MYO3A: variants seen among roughly 807,000 people sequenced by gnomAD.
MYO3A encodes myosin-IIIa.
In MYO3A, 180 loss-of-function variants were observed where a neutral mutation model predicts 192.7. That is an observed-to-expected ratio of 0.93 (90% confidence interval 0.83 to 1.06). The LOEUF is 1.06. MYO3A is among the 50% of genes least tolerant of loss of function. The pLI, the probability that MYO3A is intolerant of heterozygous loss-of-function variation, is 0.00. For synonymous variants in MYO3A, 628 were observed against 645.3 expected, an observed-to-expected ratio of 0.97 and a Z score of 0.41; for missense variants, 1,896 against 1,905.0, an observed-to-expected ratio of 1.00 and a Z score of 0.09.
chr10:26,070,260 T>A, intron 13 of MYO3A, 45 bp downstream of exon 13: 1 of 1,568,062 alleles, frequency 6.4e-7, no homozygotes, highest in Non-Finnish European at 8.7e-7. Context: ...CTTAGTTACT[T>A]AAATGTCACT....
At chr10:26,114,819 A>G (rs1407840050) in intron 17 of MYO3A, among the ~76,000 whole-genome samples, 1 of 152,180 alleles carries the variant, frequency 6.6e-6, no homozygotes, top group East Asian at 1.9e-4. Flanking sequence ...TTATAATCTG[A>G]TAGAAGAAAT....
In MYO3A at chr10:26,193,394, G is replaced by A; in HGVS notation, c.4545+83G>A. 3.5e-6 allele frequency: 4 copies of A among 1,155,650 alleles called. No homozygotes were observed. The South Asian group carries it at 3.8e-5, about 11-fold the overall frequency. 71.6% of individuals were successfully genotyped at this position (1,155,650 alleles called of 1,614,324 possible). On this transcript the variant is annotated intron_variant, in intron 32 of 34. Coordinates refer to ENST00000642920, the MANE Select transcript of MYO3A (RefSeq NM_017433.5). ...TGAAAACTGTGGCTAGATTAGTTCA[G>A]GCACAAAGGAAGGCCTGGCAGGACA...
At chr10:25,955,046 A>T (rs200730692) in intron 4 of MYO3A, 38 bp downstream of exon 4, 1 of 1,607,690 alleles carries the variant, frequency 6.2e-7, no homozygotes, top group Admixed American at 1.7e-5. Context: ...GTGGAAACTT[A>T]GAGTGTGGTT....
At chr10:26,049,650 A>ATTCTTTCT (rs751350009) in intron 10 of MYO3A, among the ~76,000 whole-genome samples, 41 of 116,338 alleles carry the variant, frequency 3.5e-4, no homozygotes, top group African/African-American at 6.5e-4. Context: ...CAAAGATGAA[A>ATTCTTTCT]TTCTTTCTTT....
intron 4 of MYO3A, among the ~76,000 whole-genome samples, chr10:25,972,645 C>T (rs997754252): frequency 1.3e-5 from 2 of 152,136 alleles, no homozygotes; most frequent in African/African-American, 4.8e-5. Flanking sequence ...TTAGTAAAAT[C>T]TATTTTCCCC....
rs1843659356 is a variant in MYO3A, at chr10:26,201,251, C to T, written c.4546-14C>T. 1 of 1,496,100 alleles carries T rather than the reference C, an allele frequency of 6.7e-7. No individual in the cohort carries two copies. The highest frequency in any genetic ancestry group is 1.2e-5 in the South Asian group (1 of 82,174). The allele number at this position is 1,496,100 out of a possible 1,614,324, so 92.7% of individuals were successfully genotyped here. A position where few individuals can be genotyped will look rare whatever the true frequency, so the allele number is the denominator to read the frequency against. Reference sequence around the variant, plus strand: ...TAATATTATATAGATCTTTTGAATTCTTCTTTCCTTTAGAAGTCAATCCAA... The same window carrying T: ...TAATATTATATAGATCTTTTGAATTTTTCTTTCCTTTAGAAGTCAATCCAA... On this transcript the variant is annotated splice_polypyrimidine_tract_variant and intron_variant, in intron 32 of 34. Coordinates refer to ENST00000642920, the MANE Select transcript of MYO3A (RefSeq NM_017433.5).
At chr10:26,198,225 T>C (rs1481128399) in intron 32 of MYO3A, among the ~76,000 whole-genome samples, 1 of 152,194 alleles carries the variant, frequency 6.6e-6, no homozygotes, top group East Asian at 1.9e-4. Flanking sequence ...GCCTCTTTCC[T>C]ATGACTTGAT....
At chr10:26,086,984 G>GTATA (rs3057676) in intron 14 of MYO3A, among the ~76,000 whole-genome samples, 19 of 151,606 alleles carry the variant, frequency 1.3e-4, no homozygotes, top group Non-Finnish European at 2.8e-4. Context: ...TTGGGGATAG[G>GTATA]TATATATATA....
chr10:26,113,682 G>A (rs1000536515), intron 17 of MYO3A, among the ~76,000 whole-genome samples: 22 of 152,094 alleles, frequency 1.4e-4, no homozygotes, highest in Non-Finnish European at 2.8e-4. Flanking sequence ...CAGCCAAGGA[G>A]GTAGTTGGTA....
chr10:26,157,640 A>G, intron 26 of MYO3A, 125 bp downstream of exon 26: 12 of 1,014,146 alleles, frequency 1.2e-5, no homozygotes, highest in Admixed American at 1.1e-4. Context: ...GTTCATGCAA[A>G]TGATTATGTG....
At chr10:26,193,851 G>A (rs542230900) in intron 32 of MYO3A, among the ~76,000 whole-genome samples, 1 of 152,228 alleles carries the variant, frequency 6.6e-6, no homozygotes, top group South Asian at 2.1e-4. Flanking sequence ...TAGCTGCCAG[G>A]CCATTCATTT....
chr10:26,101,033 G>A lies in MYO3A; in HGVS notation c.1776+4351G>A, dbSNP rs940291245. Among the ~76,000 whole-genome samples the A allele has an allele frequency of 2.3e-4, 35 of 152,128 alleles. 1 individual carries two copies. Among genetic ancestry groups the A allele is most frequent in the African/African-American group, 8.0e-4 (33 of 41,426 alleles). On this transcript the variant is annotated intron_variant, in intron 17 of 34. Coordinates refer to ENST00000642920, the MANE Select transcript of MYO3A (RefSeq NM_017433.5). Reference sequence around the variant, plus strand: ...CCATTATTAATGTGTGGGAGTCTACGTCTCTTTGTAGGTCTCTAAAGACTT... The same window carrying A: ...CCATTATTAATGTGTGGGAGTCTACATCTCTTTGTAGGTCTCTAAAGACTT...
At chr10:26,141,835 G>A (rs1398345999) in intron 20 of MYO3A, among the ~76,000 whole-genome samples, 1 of 152,064 alleles carries the variant, frequency 6.6e-6, no homozygotes, top group Non-Finnish European at 1.5e-5. Flanking sequence ...TTATGCATTA[G>A]ATTTCATTTT....
intron 4 of MYO3A, among the ~76,000 whole-genome samples, chr10:25,980,317 C>T (rs1305266102): frequency 6.6e-6 from 1 of 151,046 alleles, no homozygotes; most frequent in Non-Finnish European, 1.5e-5. Context: ...ACAATAAGAA[C>T]AACAAAAAAC....
chr10:26,110,246 ACTGCAG>A (rs1838079591), intron 17 of MYO3A, among the ~76,000 whole-genome samples: 1 of 152,018 alleles, frequency 6.6e-6, no homozygotes, highest in African/African-American at 2.4e-5. Flanking sequence ...TATCTACTAC[ACTGCAG>A]CTGTAATTTG....
At chr10:26,119,329 C>T (rs1306656323) in intron 17 of MYO3A, among the ~76,000 whole-genome samples, 1 of 152,142 alleles carries the variant, frequency 6.6e-6, no homozygotes, top group South Asian at 2.1e-4. Context: ...TGCCTCCCCA[C>T]GGCCTGAACA....
Position 26,125,435 on chromosome 10 carries a change from A to G in MYO3A, c.1941A>G (p.Gln647=), listed in dbSNP as rs778345128. ...SLLCIRADEL[Q]EALTSHCVVT... is the part of the protein sequence containing the mutation. Reference sequence around the variant, plus strand: ...TTTGCATTCGGGCAGATGAGCTACAAGAAGCTCTCACCTCCCACTGTGTGG... The same window carrying G: ...TTTGCATTCGGGCAGATGAGCTACAGGAAGCTCTCACCTCCCACTGTGTGG... Residue 647 remains glutamine (Q), a synonymous_variant, in exon 19 of 35, where the codon CAA becomes CAG. Coordinates refer to ENST00000642920, the MANE Select transcript of MYO3A (RefSeq NM_017433.5). 2.1e-4 allele frequency: 333 copies of G among 1,614,080 alleles called. 1 individual carries two copies. Among genetic ancestry groups the G allele is most frequent in the Admixed American group, 6.8e-4 (41 of 60,012 alleles).
chr10:26,086,850 G>C (rs887011694), intron 14 of MYO3A, among the ~76,000 whole-genome samples: 1 of 152,184 alleles, frequency 6.6e-6, no homozygotes, highest in African/African-American at 2.4e-5. Flanking sequence ...TTGCTATTCT[G>C]TCCTGATCTG....
At chr10:26,041,698 A>G (rs6482528) in intron 10 of MYO3A, among the ~76,000 whole-genome samples, 71,964 of 151,790 alleles carry the variant, frequency 0.47, 17,887 homozygotes, top group Middle Eastern at 0.58. Context: ...AAACAAACAA[A>G]CAAAATGAAA....
Sources: allele counts gnomAD v4.1 joint callset (sites outside exome capture counted in the v4.1 genomes callset), GRCh38; gene constraint gnomAD v4.1.1; transcripts MANE v1.5; gene names NCBI Gene and HGNC (gene_info 2026-07-23, HGNC 2026-07-21).